The following CFTR variants were observed in gnomAD, a reference collection of about 807,000 sequenced individuals.
The protein encoded by CFTR is cystic fibrosis transmembrane conductance regulator.
CFTR carries 181 observed loss-of-function variants against 171.6 expected under a neutral mutation model. The observed-to-expected ratio is 1.05, with a 90% CI of 0.93 to 1.19. The LOEUF (loss-of-function observed/expected upper bound fraction) is 1.19. CFTR is among the 50% of genes most tolerant of loss of function. The probability of loss-of-function intolerance (pLI) is 0.00; values close to 1 mark genes in which losing one functional copy is unlikely to be tolerated. For synonymous variants in CFTR, 583 were observed against 608.0 expected, an observed-to-expected ratio of 0.96 and a Z score of 0.60; for missense variants, 1,968 against 1,734.7, an observed-to-expected ratio of 1.13 and a Z score of -2.39.
intron 1 of CFTR, among the ~76,000 whole-genome samples, chr7:117,482,555 A>G (rs927318805): frequency 2.0e-5 from 3 of 152,166 alleles, no homozygotes; most frequent in Non-Finnish European, 4.4e-5. Flanking sequence ...CAGAGCAAAC[A>G]AGTACATTAA....
intron 7 of CFTR, among the ~76,000 whole-genome samples, chr7:117,537,439 C>G (rs996698611): frequency 6.6e-6 from 1 of 152,076 alleles, no homozygotes; most frequent in Non-Finnish European, 1.5e-5. Flanking sequence ...AAACTTCAAT[C>G]AAAAAAGGTT....
chr7:117,520,874 G>T (rs1028611783), intron 3 of CFTR, among the ~76,000 whole-genome samples: 1 of 151,690 alleles, frequency 6.6e-6, no homozygotes, highest in African/African-American at 2.4e-5. Context: ...CTACTCTTAC[G>T]GTGCTAAAAA....
rs369028441 is a variant in CFTR, at chr7:117,509,182, C to A, written c.273+40C>A. On this transcript the variant is annotated intron_variant, in intron 3 of 26. Transcript: ENST00000003084. ...TGTACATTCATTATGTATCACATAA[C>A]TATATTCATTTTTGTGATTATGAAA... 3.0e-5 allele frequency: 34 copies of A among 1,131,284 alleles called. No individual in the cohort carries two copies. The African/African-American group carries it at 4.9e-4, about 16-fold the overall frequency. The allele number at this position is 1,131,284 out of a possible 1,614,324, so 70.1% of individuals were successfully genotyped here.
At chr7:117,604,016 G>A (rs1792267715) in intron 17 of CFTR, among the ~76,000 whole-genome samples, 1 of 152,170 alleles carries the variant, frequency 6.6e-6, no homozygotes, top group African/African-American at 2.4e-5. Context: ...ATGTGATGTT[G>A]GTGGGACTGT....
chr7:117,495,621 A>G (rs922386934), intron 1 of CFTR, among the ~76,000 whole-genome samples: 7 of 152,170 alleles, frequency 4.6e-5, no homozygotes, highest in African/African-American at 1.4e-4. Context: ...CAGAAAACAA[A>G]CAATTTACAC....
chr7:117,611,179 TC>T (rs1404863965), intron 19 of CFTR, among the ~76,000 whole-genome samples: 1 of 152,156 alleles, frequency 6.6e-6, no homozygotes, highest in Non-Finnish European at 1.5e-5. Flanking sequence ...CAATACTTTT[TC>T]AGTATATTTC....
intron 9 of CFTR, among the ~76,000 whole-genome samples, chr7:117,546,454 A>G (rs922369715): frequency 2.6e-5 from 4 of 152,138 alleles, no homozygotes; most frequent in Admixed American, 2.0e-4. Flanking sequence ...GATTTTTAGT[A>G]TATGTAAATA....
At chr7:117,510,468 A>T (rs1249345680) in intron 3 of CFTR, among the ~76,000 whole-genome samples, 1 of 152,188 alleles carries the variant, frequency 6.6e-6, no homozygotes, top group Non-Finnish European at 1.5e-5. Flanking sequence ...GATTGAAGTG[A>T]ATGATATTTC....
At chr7:117,600,609 G>A (rs183734377) in intron 15 of CFTR, among the ~76,000 whole-genome samples, 1 of 152,058 alleles carries the variant, frequency 6.6e-6, no homozygotes, top group East Asian at 1.9e-4. Context: ...TTGACTAATA[G>A]TAATAATTTT....
intron 22 of CFTR, among the ~76,000 whole-genome samples, chr7:117,629,850 T>C (rs1717525169): frequency 6.6e-6 from 1 of 152,228 alleles, no homozygotes; most frequent in African/African-American, 2.4e-5. Context: ...TTTTATTTGC[T>C]ATTACATTTG....
At chr7:117,537,600 T>G (rs1479146124) in intron 7 of CFTR, among the ~76,000 whole-genome samples, 2 of 152,172 alleles carry the variant, frequency 1.3e-5, no homozygotes, top group Non-Finnish European at 2.9e-5. Flanking sequence ...CTGAGTCCAG[T>G]GTACAATGGA....
Position 117,509,135 on chromosome 7 carries a change from A to G in CFTR, c.266A>G (p.Tyr89Cys), listed in dbSNP as rs397508418. 22 of 1,534,370 alleles carry G rather than the reference A, an allele frequency of 1.4e-5. No homozygotes were observed. The highest frequency in any genetic ancestry group is 2.7e-5 in the African/African-American group (2 of 73,446). ...TTTATGTTCTATGGAATCTTTTTAT[A>G]TTTAGGGGTAAGGATCTCATTTGTA... ...WRFMFYGIFL[Y>C]LGEVTKAVQP... The change falls in exon 3 of 27, where the codon TAT becomes TGT. Residue 89 changes from tyrosine (Y) to cysteine (C), a missense_variant. Coordinates refer to ENST00000003084, the MANE Select transcript of CFTR (RefSeq NM_000492.4).
intron 24 of CFTR, among the ~76,000 whole-genome samples, chr7:117,660,722 A>C (rs1332274766): frequency 1.3e-5 from 2 of 151,860 alleles, no homozygotes; most frequent in Non-Finnish European, 2.9e-5. Flanking sequence ...ACATATATAC[A>C]TATATATACA....
At chr7:117,520,588 A>G (rs1798670134) in intron 3 of CFTR, among the ~76,000 whole-genome samples, 2 of 152,036 alleles carry the variant, frequency 1.3e-5, no homozygotes, top group African/African-American at 4.8e-5. Context: ...ATATTAAAGT[A>G]TTACATGTGC....
chr7:117,652,627 A>T lies in CFTR; in HGVS notation c.3874-215A>T, dbSNP rs552316034. 4.6e-5 allele frequency among the ~76,000 whole-genome samples: 7 copies of T among 152,220 alleles called. No individual in the cohort carries two copies. The South Asian group carries it at 1.5e-3, about 32-fold the overall frequency. On this transcript the variant is annotated intron_variant, in intron 23 of 26. Coordinates refer to ENST00000003084, the MANE Select transcript of CFTR (RefSeq NM_000492.4). ...GGGATTAGAAAAATGTTCACAAGGGACTCCAAATATTGCTGTAGTATTTGT... is the reference window on the plus strand; with the variant it reads ...GGGATTAGAAAAATGTTCACAAGGGTCTCCAAATATTGCTGTAGTATTTGT...
intron 15 of CFTR, among the ~76,000 whole-genome samples, chr7:117,597,506 A>G (rs1015396092): frequency 6.6e-6 from 1 of 152,232 alleles, no homozygotes; most frequent in Admixed American, 6.5e-5. Flanking sequence ...GAGCTAAAGA[A>G]AAGAAAAAAG....
chr7:117,572,233 C>G (rs1791702608), intron 11 of CFTR, among the ~76,000 whole-genome samples: 1 of 152,118 alleles, frequency 6.6e-6, no homozygotes, highest in Non-Finnish European at 1.5e-5. Context: ...AACTCCTGAC[C>G]TCAGGTGATC....
intron 11 of CFTR, among the ~76,000 whole-genome samples, chr7:117,579,723 G>T (rs1791823709): frequency 6.8e-6 from 1 of 147,224 alleles, no homozygotes; most frequent in Non-Finnish European, 1.5e-5. Context: ...GTTAATACAG[G>T]AATAAAAAAA....
chr7:117,612,006 GATATATATATATATATGT>G (rs1428585815), intron 20 of CFTR, among the ~76,000 whole-genome samples, 198 bp downstream of exon 20: 1 of 76,796 alleles, frequency 1.3e-5, no homozygotes, highest in Non-Finnish European at 2.6e-5. Flanking sequence ...CTTGAAATCG[GATATATATATATATATGT>G]ATATATATAT....
Sources: gnomAD v4.1 joint callset for allele counts (sites outside exome capture counted in the v4.1 genomes callset) on GRCh38, gnomAD v4.1.1 for gene constraint, MANE v1.5 for transcripts, NCBI Gene and HGNC (gene_info 2026-07-23, HGNC 2026-07-21) for gene names.